Variants in TYW1 observed in about 807,000 individuals in gnomAD.
TYW1 encodes tRNA-yW synthesizing protein 1 homolog, also known as S-adenosyl-L-methionine-dependent tRNA 4-demethylwyosine synthase TYW1.
TYW1 carries 46 observed loss-of-function variants against 96.2 expected under a neutral mutation model. That is an observed-to-expected ratio of 0.48 (90% CI 0.38 to 0.61). The LOEUF (loss-of-function observed/expected upper bound fraction) is 0.61, where lower values mean the gene tolerates loss of function less well. Ranked by LOEUF, TYW1 falls within the 20% of genes least tolerant of loss-of-function variation. TYW1 has a pLI of 0.00. For synonymous variants in TYW1, 274 were observed against 323.0 expected (o/e 0.85, Z 1.63); for missense variants, 684 against 909.6 (o/e 0.75, Z 3.19).
At chr7:67,226,352 A>G (rs944169409) in intron 15 of TYW1, among the ~76,000 whole-genome samples, 2 of 152,164 alleles carry the variant, frequency 1.3e-5, no homozygotes, top group African/African-American at 4.8e-5. Context: ...TGGAGGCTAC[A>G]AGATTCTGAC....
Position 67,195,225 on chromosome 7 carries a change from C to A in TYW1, c.1865C>A (p.Pro622His). 1 of 1,613,696 alleles carries A rather than the reference C, an allele frequency of 6.2e-7. No individual in the cohort carries two copies. Among genetic ancestry groups the A allele is most frequent in the Non-Finnish European group, 8.5e-7 (1 of 1,179,964 alleles). The change falls in exon 15 of 16, where the codon CCC (proline) becomes CAC (histidine). Residue 622 changes from proline (P) to histidine (H), a missense_variant. By Grantham distance (77) the Pro-to-His change is moderately conservative. Transcript: ENST00000359626. ...AGCAGTCTTACCATGGCCCACGTGC[C>A]CTGGCATGAGGAAGTGGTACAGTTT... is the stretch of plus-strand genomic sequence containing the variant. ...SASSLTMAHVPWHEEVVQFVH... is the reference protein window; with the variant it reads ...SASSLTMAHVHWHEEVVQFVH...
intron 15 of TYW1, among the ~76,000 whole-genome samples, chr7:67,218,619 T>C (rs1018715492): frequency 1.3e-5 from 2 of 152,086 alleles, no homozygotes; most frequent in African/African-American, 4.8e-5. Context: ...TTCCAAAGTG[T>C]TGGGATTACA....
rs1354999902 is a variant in TYW1 at position 67,179,867 on chromosome 7, T to TATA, written c.1699-3259_1699-3258insATA. 2.3e-4 allele frequency among the ~76,000 whole-genome samples: 21 copies of TATA among 92,948 alleles called. 1 individual carries two copies. Among genetic ancestry groups the TATA allele is most frequent in the African/African-American group, 9.9e-4 (21 of 21,170 alleles). The allele number at this position is 92,948 out of a possible 152,430, so 61.0% of individuals were successfully genotyped here. A position where few individuals can be genotyped will look rare whatever the true frequency, so the allele number is the denominator to read the frequency against. On this transcript the variant is annotated intron_variant, in intron 13 of 15. Transcript: ENST00000359626. Reference sequence around the variant, plus strand: ...TAGGAATATATATATATATATATATTTTTTTTTTTTGGCGGGGGACAGGGT... The same window carrying TATA: ...TAGGAATATATATATATATATATATTATATTTTTTTTTTGGCGGGGGACAGGGT...
intron 3 of TYW1, among the ~76,000 whole-genome samples, chr7:66,999,492 A>T (rs1480226851): frequency 2.0e-5 from 3 of 152,160 alleles, no homozygotes; most frequent in Non-Finnish European, 4.4e-5. Context: ...AGCTGGGATT[A>T]TAGGTGCCTG....
rs879383159 is a variant in TYW1 at position 67,149,738 on chromosome 7, C to CTATCTATG, written c.1698+32127_1698+32128insGTATCTAT. Among the ~76,000 whole-genome samples the CTATCTATG allele has an allele frequency of 8.6e-3, 1,002 of 116,114 alleles. 7 individuals are homozygous for CTATCTATG. The highest frequency in any genetic ancestry group is 0.014 in the Non-Finnish European group (751 of 55,032). The allele number at this position is 116,114 out of a possible 152,430, so 76.2% of individuals were successfully genotyped here. On this transcript the variant is annotated intron_variant, in intron 13 of 15. Transcript: ENST00000359626. ...GGAAAAAAAATATCTATCTATCTAT[C>CTATCTATG]TATCTATCTATCTATCTATCTATCT...
At chr7:67,056,602 A>G (rs1045267091) in intron 9 of TYW1, among the ~76,000 whole-genome samples, 1 of 152,040 alleles carries the variant, frequency 6.6e-6, no homozygotes, top group Non-Finnish European at 1.5e-5. Context: ...GTGTCGTATC[A>G]TGTAACATGC....
intron 9 of TYW1, among the ~76,000 whole-genome samples, chr7:67,058,214 G>A (rs544389271): frequency 1.3e-5 from 2 of 152,330 alleles, no homozygotes; most frequent in East Asian, 1.9e-4. Context: ...GGTTACAGGC[G>A]TAGGCCACTG....
At chr7:67,131,594 G>A (rs2116056680) in intron 13 of TYW1, among the ~76,000 whole-genome samples, 1 of 152,082 alleles carries the variant, frequency 6.6e-6, no homozygotes, top group Middle Eastern at 3.4e-3. Flanking sequence ...TATTAATGAG[G>A]GTTCTCTAGA....
At chr7:67,215,265 A>T (rs1051957388) in intron 15 of TYW1, among the ~76,000 whole-genome samples, 3 of 151,714 alleles carry the variant, frequency 2.0e-5, no homozygotes, top group African/African-American at 7.3e-5. Context: ...GTAGACCCAC[A>T]TTAGCTCAAG....
At chr7:67,117,705 A>G (rs1797638073) in intron 13 of TYW1, 87 bp downstream of exon 13, 2 of 1,345,192 alleles carry the variant, frequency 1.5e-6, no homozygotes, top group Non-Finnish European at 9.7e-7. Context: ...AGAAAAGAAC[A>G]GAGGTACTTT....
At chr7:67,032,742 G>C (rs1794707260) in intron 7 of TYW1, among the ~76,000 whole-genome samples, 1 of 152,110 alleles carries the variant, frequency 6.6e-6, no homozygotes, top group South Asian at 2.1e-4. Flanking sequence ...TGTTTTCATG[G>C]CTTCTTTGGA....
intron 15 of TYW1, among the ~76,000 whole-genome samples, chr7:67,196,798 A>G (rs61061833): frequency 0.25 from 37,322 of 150,764 alleles, 4,793 homozygotes; most frequent in Middle Eastern, 0.3. Flanking sequence ...TTTTCCCATG[A>G]GGATAGGGGA....
chr7:67,229,917 A>C (rs1293145936), intron 15 of TYW1, among the ~76,000 whole-genome samples: 11 of 152,206 alleles, frequency 7.2e-5, no homozygotes, highest in Non-Finnish European at 1.6e-4. Flanking sequence ...GCACCACTGC[A>C]CTCCAGTCTG....
At chr7:67,002,430 T>G (rs1304305902) in intron 3 of TYW1, among the ~76,000 whole-genome samples, 3 of 152,132 alleles carry the variant, frequency 2.0e-5, no homozygotes, top group African/African-American at 7.2e-5. Context: ...GATTCATATT[T>G]GGTCGTGTGT....
chr7:67,086,520 A>G (rs1796553295), intron 11 of TYW1, among the ~76,000 whole-genome samples: 1 of 152,100 alleles, frequency 6.6e-6, no homozygotes, highest in African/African-American at 2.4e-5. Flanking sequence ...GTTCATTTTT[A>G]GGAGTTGGCT....
At chr7:67,160,524 A>G (rs1178766658) in intron 13 of TYW1, among the ~76,000 whole-genome samples, 1 of 46,790 alleles carries the variant, frequency 2.1e-5, no homozygotes, top group Non-Finnish European at 4.3e-5. Flanking sequence ...AGGTATGTGT[A>G]TACATATACA....
chr7:67,206,185 G>A (rs770628550), intron 15 of TYW1, among the ~76,000 whole-genome samples: 6 of 152,146 alleles, frequency 3.9e-5, no homozygotes, highest in Non-Finnish European at 7.3e-5. Context: ...ATTGAAAGGT[G>A]TCGCCCAGTT....
chr7:67,184,813 T>C (rs1209307960), intron 14 of TYW1, among the ~76,000 whole-genome samples: 1 of 151,636 alleles, frequency 6.6e-6, no homozygotes, highest in Non-Finnish European at 1.5e-5. Context: ...GTTCAAGCGA[T>C]TCTCCTCCCT....
chr7:67,207,250 C>T (rs1800832926), intron 15 of TYW1, among the ~76,000 whole-genome samples: 1 of 152,202 alleles, frequency 6.6e-6, no homozygotes, highest in Admixed American at 6.5e-5. Context: ...ATCAGATTCT[C>T]CGTGTGCTTA....
Sources: allele counts gnomAD v4.1 joint callset (sites outside exome capture counted in the v4.1 genomes callset), GRCh38; gene constraint gnomAD v4.1.1; transcripts MANE v1.5; gene names NCBI Gene and HGNC (gene_info 2026-07-23, HGNC 2026-07-21).